Variants in URB1 observed in about 807,000 individuals in gnomAD.
URB1 encodes the protein nucleolar pre-ribosomal-associated protein 1.
A neutral mutation model predicts 242.3 loss-of-function variants in URB1; 197 were observed. The ratio of observed to expected loss-of-function variants is 0.81; its 90% CI spans 0.72 to 0.91. The LOEUF (loss-of-function observed/expected upper bound fraction) is 0.91, where lower values mean the gene tolerates loss of function less well. URB1 is among the 40% of genes least tolerant of loss of function. The probability of loss-of-function intolerance (pLI) is 0.00; values close to 1 mark genes in which losing one functional copy is unlikely to be tolerated. For missense variants in URB1, 2,721 were observed against 2,860.5 expected, an observed-to-expected ratio of 0.95 and a Z score of 1.11; for synonymous variants, 1,153 against 1,201.8, an observed-to-expected ratio of 0.96 and a Z score of 0.84.
intron 23 of URB1, among the ~76,000 whole-genome samples, 184 bp downstream of exon 23, chr21:32,345,190 C>T (rs1435537849): frequency 6.6e-6 from 1 of 152,098 alleles, no homozygotes; most frequent in African/African-American, 2.4e-5. Context: ...CCGACCCAGC[C>T]ATCTACTTGT....
At position 32,316,508 on chromosome 21, in the gene URB1, G is replaced by C; in HGVS notation, c.6592C>G (p.Leu2198Val). The change falls in exon 38 of 39, where the codon CTC (leucine) becomes GTC (valine). Residue 2198 changes from leucine (L) to valine (V), a missense_variant. Transcript: ENST00000382751. The part of the protein sequence containing the change: ...GSPFHPAMEA[L>V]SLSSLSEKDE... ...TTCTCACTCAGAGAAGACAGGGAGA[G>C]GGCTTCCATGGCCGGGTGGAAGGGG... 6.5e-7 allele frequency: 1 copy of C among 1,546,160 alleles called. No individual in the cohort carries two copies. The highest frequency in any genetic ancestry group is 8.7e-7 in the Non-Finnish European group (1 of 1,144,576).
intron 8 of URB1, 143 bp from the exon 9 acceptor site, chr21:32,368,741 T>C: frequency 1.4e-6 from 1 of 720,414 alleles, no homozygotes; most frequent in Non-Finnish European, 2.2e-6. Context: ...GGACGTAAAG[T>C]GGGGGTTCCG....
Position 32,386,897 on chromosome 21 carries a change from C to T in URB1, c.143-1213G>A, listed in dbSNP as rs572389801. On this transcript the variant is annotated intron_variant, in intron 1 of 38. Coordinates refer to ENST00000382751, the MANE Select transcript of URB1 (RefSeq NM_014825.3). ...CAATCCAGGCAGTCGGGCTCCAGAG[C>T]CCATATTCTCCCTCCACGAACTGGA... Among the ~76,000 whole-genome samples the T allele has an allele frequency of 1.2e-3, 184 of 152,260 alleles. 1 individual carries two copies. The highest frequency in any genetic ancestry group is 3.9e-3 in the African/African-American group (164 of 41,540).
chr21:32,382,734 G>A lies in URB1; in HGVS notation c.567+688C>T, dbSNP rs558485983. ...ATATGGCAACCAGAAGAGGCCCTAC[G>A]ACAGACAACCTGGAGCCAGCACACG... On this transcript the variant is annotated intron_variant, in intron 4 of 38. Coordinates refer to ENST00000382751, the MANE Select transcript of URB1 (RefSeq NM_014825.3). 1.4e-4 allele frequency among the ~76,000 whole-genome samples: 21 copies of A among 152,172 alleles called. No homozygotes were observed. The East Asian group carries it at 2.1e-3, about 15-fold the overall frequency.
chr21:32,347,227 C>A lies in URB1; in HGVS notation c.3597G>T (p.Val1199=). ...PTLAVDELDT[V]LLHTLQRDPV... is the part of the protein sequence containing the mutation. ...GGTCTCTCTGCAGAGTGTGGAGGAG[C>A]ACTGTGTCCAGCTCGTCCACTGCTA... Residue 1199 remains valine, a synonymous_variant, in exon 22 of 39, where the codon GTG becomes GTT. Transcript: ENST00000382751. 2 of 1,550,660 alleles carry A rather than the reference C, an allele frequency of 1.3e-6. No homozygotes were observed. The highest frequency in any genetic ancestry group is 1.7e-6 in the Non-Finnish European group (2 of 1,146,964).
chr21:32,325,474 G>A (rs2032819659), intron 30 of URB1, 85 bp from the exon 31 acceptor site: 1 of 1,459,454 alleles, frequency 6.9e-7, no homozygotes, highest in South Asian at 1.4e-5. Flanking sequence ...TTCCTCTTGT[G>A]TCTTACCAAT....
chr21:32,383,376 A>T, intron 4 of URB1, 46 bp downstream of exon 4: 1 of 1,523,778 alleles, frequency 6.6e-7, no homozygotes, highest in Non-Finnish European at 8.8e-7. Context: ...CAGTCCTCCA[A>T]GGGAAGGAGA....
Position 32,383,544 on chromosome 21 carries a change from C to T in URB1, c.445G>A (p.Ala149Thr), listed in dbSNP as rs1041785440. 11 of 1,551,184 alleles carry T rather than the reference C, an allele frequency of 7.1e-6. No individual in the cohort carries two copies. The highest frequency in any genetic ancestry group is 6.8e-5 in the African/African-American group (5 of 73,000). Reference sequence around the variant, plus strand: ...ATGGCGGTCATCAGGCTCAGGCAGGCGCGAGCCAACCTGCACAGGGAACCA... The same window carrying T: ...ATGGCGGTCATCAGGCTCAGGCAGGTGCGAGCCAACCTGCACAGGGAACCA... ...LYASGYRLARACLSLMTAMVT... is the reference protein window; with the variant it reads ...LYASGYRLARTCLSLMTAMVT... The change falls in exon 4 of 39, where the codon GCC becomes ACC. Residue 149 changes from alanine (A) to threonine (T), a missense_variant. Coordinates refer to ENST00000382751, the MANE Select transcript of URB1 (RefSeq NM_014825.3).
chr21:32,345,438 T>A lies in URB1; in HGVS notation c.4006A>T (p.Lys1336Ter). 1 of 1,551,460 alleles carries A rather than the reference T, an allele frequency of 6.4e-7. No homozygotes were observed. The highest frequency in any genetic ancestry group is 8.7e-7 in the Non-Finnish European group (1 of 1,146,944). The change falls in exon 23 of 39, where the codon AAG (lysine) becomes TAG (stop). Residue 1336 changes from lysine to a stop codon, truncating the protein, a stop_gained. Transcript: ENST00000382751. LOFTEE classifies it high-confidence loss of function. ...LAQLVPFARA[K>*]DLSVLMDRLP... Reference sequence around the variant, plus strand: ...CGGTCCATGAGTACACTGAGATCCTTGGCTCGTGCAAACGGGACCAGCTGT... The same window carrying A: ...CGGTCCATGAGTACACTGAGATCCTAGGCTCGTGCAAACGGGACCAGCTGT...
At chr21:32,380,355 C>G (rs1361101384) in intron 4 of URB1, among the ~76,000 whole-genome samples, 1 of 152,194 alleles carries the variant, frequency 6.6e-6, no homozygotes, top group Non-Finnish European at 1.5e-5. Context: ...CCTTATTACA[C>G]CAATGTGAGT....
At chr21:32,324,179 T>C (rs1214291501) in intron 32 of URB1, among the ~76,000 whole-genome samples, 3 of 152,120 alleles carry the variant, frequency 2.0e-5, no homozygotes, top group East Asian at 1.9e-4. Context: ...CAGTTTCCTA[T>C]AACTACAAGC....
intron 19 of URB1, 81 bp from the exon 20 acceptor site, chr21:32,351,003 A>T: frequency 7.3e-7 from 1 of 1,367,938 alleles, no homozygotes; most frequent in Non-Finnish European, 9.9e-7. Flanking sequence ...GGTAACACAC[A>T]ACAAACGGAC....
chr21:32,325,497 C>T, intron 30 of URB1, 108 bp from the exon 31 acceptor site: 1 of 1,370,822 alleles, frequency 7.3e-7, no homozygotes, highest in Non-Finnish European at 9.8e-7. Flanking sequence ...CTACATGTGC[C>T]AAGCACAAGG....
chr21:32,348,788 G>T (rs566266170), intron 21 of URB1, among the ~76,000 whole-genome samples: 2 of 152,184 alleles, frequency 1.3e-5, no homozygotes, highest in South Asian at 4.1e-4. Flanking sequence ...AGAGCTCAAA[G>T]GAAAAAAGTG....
chr21:32,389,581 CAGG>C (rs902957139), intron 1 of URB1, among the ~76,000 whole-genome samples: 4 of 152,164 alleles, frequency 2.6e-5, no homozygotes, highest in African/African-American at 9.7e-5. Context: ...CAGAAATTCT[CAGG>C]AGGAGAATCA....
chr21:32,342,664 A>AAC, intron 24 of URB1, among the ~76,000 whole-genome samples: 1 of 218 alleles, frequency 4.6e-3, no homozygotes, highest in Non-Finnish European at 9.4e-3. Flanking sequence ...ACTAGTGCCA[A>AAC]CTTGTGAACC....
intron 8 of URB1, among the ~76,000 whole-genome samples, 192 bp downstream of exon 8, chr21:32,372,315 C>A (rs1222549522): frequency 6.6e-6 from 1 of 152,212 alleles, no homozygotes; most frequent in African/African-American, 2.4e-5. Flanking sequence ...TAGACAGCTA[C>A]CCTCAGAACT....
chr21:32,327,319 G>C (rs935577352), intron 30 of URB1, among the ~76,000 whole-genome samples: 4 of 152,082 alleles, frequency 2.6e-5, no homozygotes, highest in African/African-American at 2.4e-5. Context: ...AACCAGAGGA[G>C]CAACTTCTTT....
At chr21:32,343,728 C>G (rs2033055120) in intron 24 of URB1, among the ~76,000 whole-genome samples, 1 of 152,118 alleles carries the variant, frequency 6.6e-6, no homozygotes, top group Non-Finnish European at 1.5e-5. Flanking sequence ...ATCATCAAGC[C>G]ACCCACTGGA....
Sources: allele counts gnomAD v4.1 joint callset (sites outside exome capture counted in the v4.1 genomes callset), GRCh38; gene constraint gnomAD v4.1.1; transcripts MANE v1.5; gene names NCBI Gene and HGNC (gene_info 2026-07-23, HGNC 2026-07-21).